Variants in POU2F2 observed in about 807,000 individuals in gnomAD.
POU2F2 encodes the protein POU domain, class 2, transcription factor 2.
A neutral mutation model predicts 63.5 loss-of-function variants in POU2F2; 14 were observed. That is an observed-to-expected ratio of 0.22 (90% CI 0.15 to 0.34). The LOEUF is 0.34. POU2F2 is among the 10% of genes least tolerant of loss of function. POU2F2 has a pLI of 1.00. For synonymous variants in POU2F2, 306 were observed against 348.6 expected, an observed-to-expected ratio of 0.88 and a Z score of 1.36; for missense variants, 607 against 815.2, an observed-to-expected ratio of 0.74 and a Z score of 3.11.
In POU2F2 at chr19:42,095,497, C is replaced by G. The variant is rs1378932132; in HGVS notation, c.1021-35G>C. 1.2e-6 allele frequency: 2 copies of G among 1,605,880 alleles called. No homozygotes were observed. Among genetic ancestry groups the G allele is most frequent in the African/African-American group, 2.7e-5 (2 of 74,742 alleles). Reference sequence around the variant, plus strand: ...GAGGGCTCGTTAGCCCGAGGCCCACCGCCCGCCACCCCTCAGGTGAGGGCC... The same window carrying G: ...GAGGGCTCGTTAGCCCGAGGCCCACGGCCCGCCACCCCTCAGGTGAGGGCC... On this transcript the variant is annotated intron_variant, in intron 10 of 14. Transcript: ENST00000692977. This position sits in a 1 kb window ranked among gnomAD's most constrained non-coding sequence, Gnocchi z 7.1.
intron 1 of POU2F2, among the ~76,000 whole-genome samples, chr19:42,195,856 T>G (rs1160249536): frequency 6.0e-5 from 9 of 149,932 alleles, no homozygotes. Context: ...TTCGGCTCAC[T>G]GCAACCTCCA....
At chr19:42,100,444 T>C (rs1244754339) in intron 5 of POU2F2, among the ~76,000 whole-genome samples, 1 of 151,740 alleles carries the variant, frequency 6.6e-6, no homozygotes, top group Non-Finnish European at 1.5e-5. Flanking sequence ...GCAGAACAAA[T>C]AGAATCATTT....
intron 2 of POU2F2, chr19:42,157,189 A>C (rs1321784129): frequency 2.6e-5 from 4 of 152,276 alleles, no homozygotes; most frequent in African/African-American, 9.6e-5. Flanking sequence ...AATAGTGAGT[A>C]GGAGCCCAGT....
In POU2F2 at chr19:42,088,390, C is replaced by G. The variant is rs2076613803; in HGVS notation, c.*2867G>C. 1 of 152,204 alleles carries G rather than the reference C, an allele frequency of 6.6e-6. No homozygotes were observed. Among genetic ancestry groups the G allele is most frequent in the Admixed American group, 6.5e-5 (1 of 15,288 alleles). The allele number at this position is 152,204 out of a possible 1,614,324, so 9.4% of individuals were successfully genotyped here. ...CCCTGCCCCCTGCTCCTCCTCTCCT[C>G]TTTACCCCACTCCCACATACTGGGG... is the stretch of plus-strand genomic sequence containing the variant. On this transcript the variant is annotated 3_prime_UTR_variant, in exon 15 of 15. Coordinates refer to ENST00000692977, the MANE Select transcript of POU2F2 (RefSeq NM_001394376.1).
At chr19:42,099,374 A>G in intron 7 of POU2F2, 153 bp downstream of exon 7, 1 of 678,388 alleles carries the variant, frequency 1.5e-6, no homozygotes, top group Non-Finnish European at 2.6e-6. Flanking sequence ...AGACAGGGAG[A>G]TGGGCTTGCC....
At chr19:42,126,782 C>G (rs1286320360) in intron 1 of POU2F2, among the ~76,000 whole-genome samples, 1 of 152,190 alleles carries the variant, frequency 6.6e-6, no homozygotes, top group African/African-American at 2.4e-5. Flanking sequence ...TGCGACAGGC[C>G]TGGTCTGACT....
At chr19:42,110,494 CAAGGGTCCCTT>C (rs1169437755) in intron 5 of POU2F2, 3 of 196,246 alleles carry the variant, frequency 1.5e-5, no homozygotes, top group Non-Finnish European at 2.2e-5. Context: ...TAGTGGGGTG[CAAGGGTCCCTT>C]CCAGCTTGGA....
At chr19:42,178,401 G>C (rs1051709718), upstream of POU2F2, among the ~76,000 whole-genome samples, 3 of 152,158 alleles carry the variant, frequency 2.0e-5, no homozygotes, top group African/African-American at 7.2e-5. Context: ...TCAGAGATAG[G>C]AGAAAGCTAC....
intron 4 of POU2F2, among the ~76,000 whole-genome samples, chr19:42,119,436 G>A (rs1258583890): frequency 1.3e-5 from 2 of 152,200 alleles, no homozygotes; most frequent in African/African-American, 2.4e-5. Flanking sequence ...CACTTTGGGA[G>A]CCAAGGTGGG....
At chr19:42,131,646 A>T (rs1040508127) in intron 1 of POU2F2, among the ~76,000 whole-genome samples, 2 of 152,248 alleles carry the variant, frequency 1.3e-5, no homozygotes, top group African/African-American at 4.8e-5. Context: ...TCACTCAGCC[A>T]ACTGACATTT....
intron 1 of POU2F2, among the ~76,000 whole-genome samples, chr19:42,194,511 C>A (rs143313057): frequency 0.028 from 4,261 of 151,730 alleles, 209 homozygotes; most frequent in African/African-American, 0.097. Flanking sequence ...GTAATCCCAG[C>A]ACTTTGGGAG....
intron 1 of POU2F2, among the ~76,000 whole-genome samples, chr19:42,131,358 C>A (rs539834553): frequency 6.6e-6 from 1 of 152,126 alleles, no homozygotes; most frequent in East Asian, 1.9e-4. Flanking sequence ...GGAGGACACA[C>A]GGGTGCCCGC....
At chr19:42,135,236 A>G (rs1272025975), upstream of POU2F2, among the ~76,000 whole-genome samples, 4 of 152,200 alleles carry the variant, frequency 2.6e-5, no homozygotes, top group African/African-American at 9.6e-5. Context: ...GGCAGGAGAC[A>G]GGGAGACCAA....
At chr19:42,143,656 C>T (rs185732866) in intron 2 of POU2F2, among the ~76,000 whole-genome samples, 1 of 152,140 alleles carries the variant, frequency 6.6e-6, no homozygotes, top group Non-Finnish European at 1.5e-5. Context: ...CACCTCAACT[C>T]CTCTCTCCCC....
At chr19:42,178,478 G>A (rs1423446904), upstream of POU2F2, among the ~76,000 whole-genome samples, 1 of 152,178 alleles carries the variant, frequency 6.6e-6, no homozygotes, top group Non-Finnish European at 1.5e-5. Context: ...AAGACATAGA[G>A]ACAGAGGCAG....
At chr19:42,094,768 C>T (rs1436684421) in intron 11 of POU2F2, among the ~76,000 whole-genome samples, 1 of 152,200 alleles carries the variant, frequency 6.6e-6, no homozygotes, top group African/African-American at 2.4e-5. Context: ...CAGACAGTGC[C>T]TCCTTCACAC....
chr19:42,149,506 G>T (rs1479202712), intron 2 of POU2F2, among the ~76,000 whole-genome samples: 1 of 152,144 alleles, frequency 6.6e-6, no homozygotes. Flanking sequence ...GAGAAAAGAG[G>T]GGTGTAAGGA....
chr19:42,116,801 C>A (rs1030202539), intron 5 of POU2F2: 3 of 372,916 alleles, frequency 8.0e-6, no homozygotes, highest in Admixed American at 3.4e-5. Context: ...TCACCCCCCC[C>A]AGAGGAGGCT....
chr19:42,151,234 C>T (rs982824916), intron 2 of POU2F2, among the ~76,000 whole-genome samples: 3 of 150,874 alleles, frequency 2.0e-5, no homozygotes, highest in African/African-American at 7.3e-5. Context: ...AAGGGAGCAT[C>T]GGCCTGACAC....
Sources: allele counts gnomAD v4.1 joint callset (sites outside exome capture counted in the v4.1 genomes callset), GRCh38; gene constraint gnomAD v4.1.1; non-coding constraint Gnocchi (gnomAD v3.1); transcripts MANE v1.5; gene names NCBI Gene and HGNC (gene_info 2026-07-23, HGNC 2026-07-21).